Variants in TTC3 observed in about 807,000 individuals in gnomAD.
TTC3 encodes the protein tetratricopeptide repeat domain 3, also known as E3 ubiquitin-protein ligase TTC3.
In TTC3, 180 loss-of-function variants were observed where a neutral mutation model predicts 249.6. The ratio of observed to expected loss-of-function variants is 0.72; its 90% CI spans 0.64 to 0.82. TTC3 has a LOEUF of 0.82. TTC3 is among the 40% of genes least tolerant of loss of function. The probability of loss-of-function intolerance (pLI) is 0.00; values close to 1 mark genes in which losing one functional copy is unlikely to be tolerated. For synonymous variants in TTC3, 717 were observed against 805.0 expected, an observed-to-expected ratio of 0.89 and a Z score of 1.85; for missense variants, 2,061 against 2,398.4, an observed-to-expected ratio of 0.86 and a Z score of 2.94.
intron 17 of TTC3, among the ~76,000 whole-genome samples, chr21:37,133,619 G>T (rs894516206): frequency 6.6e-6 from 1 of 152,208 alleles, no homozygotes; most frequent in African/African-American, 2.4e-5. Context: ...ATATGCTGGG[G>T]AGTGAGAGAG....
At position 37,150,180 on chromosome 21, in the gene TTC3, A is replaced by G. The variant is rs1601801906; in HGVS notation, c.2211+10A>G. On this transcript the variant is annotated intron_variant, in intron 24 of 45. Transcript: ENST00000355666. ...TGAAGTTAAATGTGAAGTAAGTAATAAAGGGGAAACCTTGTTAGATAGATA... is the reference window on the plus strand; with the variant it reads ...TGAAGTTAAATGTGAAGTAAGTAATGAAGGGGAAACCTTGTTAGATAGATA... 1 of 1,599,074 alleles carries G rather than the reference A, an allele frequency of 6.3e-7. No homozygotes were observed. Among genetic ancestry groups the G allele is most frequent in the Non-Finnish European group, 8.6e-7 (1 of 1,168,402 alleles).
exon 27 of TTC3, chr21:37,153,265 C>A (rs775648293): frequency 6.2e-7 from 1 of 1,612,158 alleles, no homozygotes; most frequent in Non-Finnish European, 8.5e-7. Context: ...GATCCAAAAA[C>A]TTAATAGCTT....
intron 11 of TTC3, among the ~76,000 whole-genome samples, chr21:37,113,826 G>C (rs2075887727): frequency 6.6e-6 from 1 of 152,144 alleles, no homozygotes; most frequent in Non-Finnish European, 1.5e-5. Context: ...CATGTTACTG[G>C]TACCAAAACA....
intron 28 of TTC3, among the ~76,000 whole-genome samples, chr21:37,158,610 A>C (rs2080353228): frequency 6.6e-6 from 1 of 152,188 alleles, no homozygotes; most frequent in Admixed American, 6.5e-5. Context: ...TGACCTCTTC[A>C]TGCATGATCC....
chr21:37,164,142 A>G (rs769058435), exon 32 of TTC3: 2 of 1,613,894 alleles, frequency 1.2e-6, no homozygotes, highest in Non-Finnish European at 8.5e-7. Context: ...TGACCAACAC[A>G]GTAACGAATA....
intron 10 of TTC3, among the ~76,000 whole-genome samples, chr21:37,103,016 A>G (rs2080559164): frequency 6.6e-6 from 1 of 152,170 alleles, no homozygotes; most frequent in Admixed American, 6.5e-5. Context: ...AAGGATTCCA[A>G]AGAGTGAGAA....
At position 37,123,997 on chromosome 21, in the gene TTC3, C is replaced by A. The variant is rs553621092; in HGVS notation, c.1110-622C>A. Among the ~76,000 whole-genome samples, 223 of 152,038 alleles carry A rather than the reference C, an allele frequency of 1.5e-3. 2 individuals are homozygous for A. Among genetic ancestry groups the A allele is most frequent in the African/African-American group, 4.9e-3 (204 of 41,478 alleles). ...CTCCTGACCTCAAGTGATCCGCTCG[C>A]CTTGGCCTCCCAAAGTGCTGAGATT... On this transcript the variant is annotated intron_variant, in intron 13 of 45. Coordinates refer to ENST00000355666, the Ensembl canonical transcript of TTC3.
At position 37,088,179 on chromosome 21, in the gene TTC3, C is replaced by CT. The variant is rs755312710; in HGVS notation, c.188-8dup. 51 of 1,516,576 alleles carry CT rather than the reference C, an allele frequency of 3.4e-5. No individual in the cohort carries two copies. The highest frequency in any genetic ancestry group is 1.0e-4 in the South Asian group (8 of 79,186). The allele number at this position is 1,516,576 out of a possible 1,614,324, so 93.9% of individuals were successfully genotyped here. A position where few individuals can be genotyped will look rare whatever the true frequency, so the allele number is the denominator to read the frequency against. ...ATGAGGCACAAACATTAATTTTAAA[C>CT]TTTTTTTTTAATTAAGAATTTGACA... On this transcript the variant is annotated splice_polypyrimidine_tract_variant and intron_variant, in intron 3 of 45. Coordinates refer to ENST00000355666, the Ensembl canonical transcript of TTC3.
intron 11 of TTC3, among the ~76,000 whole-genome samples, chr21:37,110,222 AG>A (rs985388431): frequency 5.3e-5 from 8 of 152,252 alleles, no homozygotes; most frequent in African/African-American, 1.9e-4. Context: ...GACTTTGACG[AG>A]TTGAGAGAGG....
Position 37,147,667 on chromosome 21 carries a change from C to A in TTC3, c.2016+64C>A, listed in dbSNP as rs1406284419. On this transcript the variant is annotated intron_variant, in intron 22 of 45. Coordinates refer to ENST00000355666, the Ensembl canonical transcript of TTC3. ...ATCATTTCTTAAAATGGGCTCAAAACAATCTGTAATTGGAGGCACCCAAGT... is the reference window on the plus strand; with the variant it reads ...ATCATTTCTTAAAATGGGCTCAAAAAAATCTGTAATTGGAGGCACCCAAGT... 3 of 1,538,292 alleles carry A rather than the reference C, an allele frequency of 2.0e-6. No homozygotes were observed. In the African/African-American group the frequency reaches 4.3e-5, roughly 22 times the overall value.
At chr21:37,108,188 T>C (rs778322253) in intron 10 of TTC3, 17 of 472,842 alleles carry the variant, frequency 3.6e-5, no homozygotes, top group Non-Finnish European at 5.7e-5. Flanking sequence ...TGATTGTGAC[T>C]CTGGGTGACT....
intron 2 of TTC3, 71 bp downstream of exon 2, chr21:37,087,472 G>A (rs2072654925): frequency 6.4e-7 from 1 of 1,563,212 alleles, no homozygotes; most frequent in East Asian, 2.2e-5. Flanking sequence ...GGCTATCTGA[G>A]TAAAGATGTT....
intron 40 of TTC3, 27 bp from the exon 41 acceptor site, chr21:37,192,085 T>G: frequency 7.1e-7 from 1 of 1,404,328 alleles, no homozygotes; most frequent in Non-Finnish European, 9.9e-7. Context: ...AATTGTGGTT[T>G]TCCCACACTT....
intron 35 of TTC3, among the ~76,000 whole-genome samples, chr21:37,180,008 G>A (rs1185792735): frequency 2.6e-5 from 4 of 152,208 alleles, no homozygotes; most frequent in African/African-American, 9.6e-5. Flanking sequence ...CTAGTATGGA[G>A]TTGGGGATAT....
chr21:37,123,804 G>A (rs1404668431), intron 13 of TTC3, among the ~76,000 whole-genome samples: 2 of 151,136 alleles, frequency 1.3e-5, no homozygotes, highest in Admixed American at 1.3e-4. Context: ...GCTGGAGTGC[G>A]GTGTTATGAT....
intron 10 of TTC3, among the ~76,000 whole-genome samples, chr21:37,104,234 G>T (rs1601443777): frequency 6.6e-6 from 1 of 152,162 alleles, no homozygotes; most frequent in African/African-American, 2.4e-5. Context: ...CATTGGGATT[G>T]CTGGAAGAGG....
intron 34 of TTC3, among the ~76,000 whole-genome samples, chr21:37,168,353 C>T (rs2081427631): frequency 6.6e-6 from 1 of 152,112 alleles, no homozygotes; most frequent in Non-Finnish European, 1.5e-5. Context: ...TCATTATTTA[C>T]AGAGGCTAGG....
chr21:37,167,751 A>G, intron 34 of TTC3, 131 bp downstream of exon 34: 1 of 514,546 alleles, frequency 1.9e-6, no homozygotes, highest in Non-Finnish European at 3.1e-6. Context: ...GCTTGAGAAC[A>G]TAACAAAAAA....
chr21:37,098,433 T>G (rs1414167580), intron 10 of TTC3: 1 of 152,570 alleles, frequency 6.6e-6, no homozygotes, highest in Non-Finnish European at 1.5e-5. Context: ...CAACAGGAGG[T>G]GAATCAGAGT....
Sources: gnomAD v4.1 joint callset for allele counts (sites outside exome capture counted in the v4.1 genomes callset) on GRCh38, gnomAD v4.1.1 for gene constraint, MANE v1.5 for transcripts, NCBI Gene and HGNC (gene_info 2026-07-23, HGNC 2026-07-21) for gene names.